Variants in DOCK5 observed in about 807,000 individuals in gnomAD.
The protein encoded by DOCK5 is dedicator of cytokinesis 5, also known as dedicator of cytokinesis protein 5.
DOCK5 carries 142 observed loss-of-function variants against 251.8 expected under a neutral mutation model. That is an observed-to-expected ratio of 0.56 (90% CI 0.49 to 0.65). The LOEUF (loss-of-function observed/expected upper bound fraction) is 0.65, where lower values mean the gene tolerates loss of function less well. Ranked by LOEUF, DOCK5 falls within the 30% of genes least tolerant of loss-of-function variation. The probability of loss-of-function intolerance (pLI) is 0.00; values close to 1 mark genes in which losing one functional copy is unlikely to be tolerated. For synonymous variants in DOCK5, 842 were observed against 835.5 expected (o/e 1.01, Z -0.13); for missense variants, 2,111 against 2,312.3 (o/e 0.91, Z 1.79).
In DOCK5 at chr8:25,380,672, G is replaced by A. The variant is rs538367338; in HGVS notation, c.4026+278G>A. Among the ~76,000 whole-genome samples, 138 of 152,294 alleles carry A rather than the reference G, an allele frequency of 9.1e-4. 2 individuals are homozygous for A. Among genetic ancestry groups the A allele is most frequent in the African/African-American group, 3.1e-3 (130 of 41,564 alleles). On this transcript the variant is annotated intron_variant, in intron 39 of 51. Coordinates refer to ENST00000276440, the MANE Select transcript of DOCK5 (RefSeq NM_024940.8). Reference sequence around the variant, plus strand: ...ATTGAGTTTCAGATAGTAGTGACTCGCTTTCCACATCCCTCAGGATCTCTG... The same window carrying A: ...ATTGAGTTTCAGATAGTAGTGACTCACTTTCCACATCCCTCAGGATCTCTG...
chr8:25,350,362 C>T (rs1355177720), intron 26 of DOCK5, among the ~76,000 whole-genome samples: 3 of 97,520 alleles, frequency 3.1e-5, no homozygotes, highest in East Asian at 6.8e-4. Flanking sequence ...GTGGGTAAGT[C>T]GGAGCCAAAT....
At position 25,184,721 on chromosome 8, in the gene DOCK5, CCGCGGGCGGCGCGGGCACGGGCACGGG is replaced by C. The variant is rs565994543; in HGVS notation, c.-173_-147del. On this transcript the variant is annotated 5_prime_UTR_variant, in exon 1 of 52. Coordinates refer to ENST00000276440, the MANE Select transcript of DOCK5 (RefSeq NM_024940.8). ...CGCTGCAGCCCGGCCCAGCAGGTGA[CCGCGGGCGGCGCGGGCACGGGCACGGG>C]CGCGGGCGGCGCGGCGAGGAGGCGG... 2.9e-3 allele frequency: 806 copies of C among 278,574 alleles called. 8 individuals are homozygous for C. The highest frequency in any genetic ancestry group is 0.015 in the African/African-American group (651 of 43,892). 17.3% of individuals were successfully genotyped at this position (278,574 alleles called of 1,614,324 possible).
intron 27 of DOCK5, among the ~76,000 whole-genome samples, chr8:25,352,148 G>A (rs895790356): frequency 6.6e-6 from 1 of 151,178 alleles, no homozygotes; most frequent in Non-Finnish European, 1.5e-5. Flanking sequence ...GAGATGTCGA[G>A]GCTGCAGTGA....
chr8:25,283,357 G>C (rs200287539), intron 5 of DOCK5, among the ~76,000 whole-genome samples: 1 of 152,092 alleles, frequency 6.6e-6, no homozygotes, highest in African/African-American at 2.4e-5. Context: ...TATCCTGTGC[G>C]GGTCCTGTTC....
At chr8:25,342,654 C>A in intron 25 of DOCK5, 147 bp downstream of exon 25, 1 of 328,006 alleles carries the variant, frequency 3.0e-6, no homozygotes, top group Non-Finnish European at 5.5e-6. Flanking sequence ...ATTTCTGCAG[C>A]TAACACTTGG....
At chr8:25,216,232 C>A (rs1210290733) in intron 1 of DOCK5, among the ~76,000 whole-genome samples, 4 of 97,452 alleles carry the variant, frequency 4.1e-5, no homozygotes, top group African/African-American at 1.3e-4. Flanking sequence ...TATATGTATA[C>A]AATATGTGCA....
At chr8:25,238,214 T>G (rs564139204) in intron 1 of DOCK5, among the ~76,000 whole-genome samples, 28 of 152,338 alleles carry the variant, frequency 1.8e-4, no homozygotes, top group African/African-American at 6.5e-4. Flanking sequence ...CCAGGGCATA[T>G]CTTCACCACT....
At chr8:25,292,889 C>G (rs1156615851) in intron 6 of DOCK5, among the ~76,000 whole-genome samples, 1 of 152,190 alleles carries the variant, frequency 6.6e-6, no homozygotes, top group African/African-American at 2.4e-5. Context: ...CTCCCCCTAA[C>G]CGGGACCATT....
chr8:25,376,193 A>C (rs1229602773), intron 37 of DOCK5: 4 of 985,158 alleles, frequency 4.1e-6, no homozygotes, highest in Non-Finnish European at 4.8e-6. Flanking sequence ...ATCAGAAAGA[A>C]ATCCCCAGTG....
chr8:25,395,526 T>G lies in DOCK5; in HGVS notation c.4528-17T>G. 1 of 1,599,944 alleles carries G rather than the reference T, an allele frequency of 6.3e-7. No individual in the cohort carries two copies. The highest frequency in any genetic ancestry group is 8.5e-7 in the Non-Finnish European group (1 of 1,176,630). ...GCTGACAAGTGTCCTCTTTCTCCCA[T>G]GTGCTCTGTCACTCAGGAAGAGATC... On this transcript the variant is annotated splice_polypyrimidine_tract_variant and intron_variant, in intron 44 of 51. Transcript: ENST00000276440.
At chr8:25,366,403 C>T (rs1800775137) in intron 30 of DOCK5, among the ~76,000 whole-genome samples, 2 of 152,168 alleles carry the variant, frequency 1.3e-5, no homozygotes, top group Non-Finnish European at 2.9e-5. Flanking sequence ...AGGCAGGACG[C>T]TTGAACCTGG....
chr8:25,214,010 A>G (rs1802167321), intron 1 of DOCK5, among the ~76,000 whole-genome samples: 1 of 152,196 alleles, frequency 6.6e-6, no homozygotes, highest in Non-Finnish European at 1.5e-5. Flanking sequence ...CACAAAATTC[A>G]TTGGTTTCAT....
rs1241803103 is a variant in DOCK5 at position 25,316,988 on chromosome 8, C to A, written c.1319-19C>A. 3 of 1,613,266 alleles carry A rather than the reference C, an allele frequency of 1.9e-6. No individual in the cohort carries two copies. The highest frequency in any genetic ancestry group is 2.5e-6 in the Non-Finnish European group (3 of 1,179,404). On this transcript the variant is annotated intron_variant, in intron 13 of 51. Coordinates refer to ENST00000276440, the MANE Select transcript of DOCK5 (RefSeq NM_024940.8). ...TGACTTCTCTCAGCAACACTCACAG[C>A]ATGCTTATCATGTTGCAGGAGATGT...
chr8:25,266,247 G>A (rs1168157669), intron 2 of DOCK5, among the ~76,000 whole-genome samples: 1 of 149,450 alleles, frequency 6.7e-6, no homozygotes. Flanking sequence ...ATGGAGTCTC[G>A]CTCTTTCACC....
At chr8:25,384,982 C>T (rs987270781) in intron 40 of DOCK5, among the ~76,000 whole-genome samples, 12 of 152,138 alleles carry the variant, frequency 7.9e-5, no homozygotes, top group Non-Finnish European at 1.5e-4. Flanking sequence ...TCCTCTGTTT[C>T]AGCTGCAACC....
At chr8:25,263,946 A>G (rs1803663146) in intron 2 of DOCK5, among the ~76,000 whole-genome samples, 2 of 151,790 alleles carry the variant, frequency 1.3e-5, no homozygotes, top group South Asian at 4.1e-4. Flanking sequence ...CAATCTTCCT[A>G]TACCAAAGAC....
At chr8:25,302,842 A>G (rs1473502930) in intron 10 of DOCK5, among the ~76,000 whole-genome samples, 1 of 152,218 alleles carries the variant, frequency 6.6e-6, no homozygotes, top group Non-Finnish European at 1.5e-5. Context: ...GATCCCACCT[A>G]TATGAGGCAC....
intron 46 of DOCK5, 132 bp downstream of exon 46, chr8:25,400,126 C>T: frequency 1.5e-6 from 1 of 687,472 alleles, no homozygotes; most frequent in East Asian, 2.7e-5. Context: ...GAAAGCACCA[C>T]CTATCTATGT....
chr8:25,191,073 T>G (rs960709883), intron 1 of DOCK5, among the ~76,000 whole-genome samples: 2 of 152,214 alleles, frequency 1.3e-5, no homozygotes, highest in African/African-American at 4.8e-5. Context: ...AGAATTAGTA[T>G]TCATTGAGAA....
Sources: allele counts gnomAD v4.1 joint callset (sites outside exome capture counted in the v4.1 genomes callset), GRCh38; gene constraint gnomAD v4.1.1; transcripts MANE v1.5; gene names NCBI Gene and HGNC (gene_info 2026-07-23, HGNC 2026-07-21).